The following CTNNA2 variants were observed in gnomAD, a reference collection of about 807,000 sequenced individuals.
The protein encoded by CTNNA2 is catenin alpha-2.
CTNNA2 carries 42 observed loss-of-function variants against 101.0 expected under a neutral mutation model. That is an observed-to-expected ratio of 0.42 (90% CI 0.32 to 0.54). The LOEUF (loss-of-function observed/expected upper bound fraction) is 0.54, where lower values mean the gene tolerates loss of function less well. CTNNA2 is among the 20% of genes least tolerant of loss of function. The pLI, the probability that CTNNA2 is intolerant of heterozygous loss-of-function variation, is 0.14. For missense variants in CTNNA2, 871 were observed against 1,223.1 expected (o/e 0.71, Z 4.29); for synonymous variants, 450 against 456.4 (o/e 0.99, Z 0.18).
chr2:79,692,629 G>A (rs1030743374), intron 2 of CTNNA2, among the ~76,000 whole-genome samples: 1 of 151,924 alleles, frequency 6.6e-6, no homozygotes, highest in Non-Finnish European at 1.5e-5. Flanking sequence ...CAACCCAAAT[G>A]CCCATCATTG....
intron 18 of CTNNA2, among the ~76,000 whole-genome samples, chr2:80,645,609 G>A (rs766416123): frequency 1.3e-5 from 2 of 152,034 alleles, no homozygotes; most frequent in Non-Finnish European, 2.9e-5. Flanking sequence ...TGATAAATGC[G>A]ATTTCTAACA....
At chr2:79,623,439 T>C (rs975371916) in intron 1 of CTNNA2, among the ~76,000 whole-genome samples, 4 of 152,168 alleles carry the variant, frequency 2.6e-5, no homozygotes, top group African/African-American at 4.8e-5. Context: ...ATCTAGACTC[T>C]TGTAAGAGTC....
At chr2:79,411,291 T>C (rs1339684223) in intron 4 of CTNNA2, among the ~76,000 whole-genome samples, 1 of 152,008 alleles carries the variant, frequency 6.6e-6, no homozygotes, top group East Asian at 1.9e-4. Flanking sequence ...TTTTTGTGTC[T>C]CTATTTCCTT....
At chr2:80,598,202 A>C (rs1337686895) in intron 15 of CTNNA2, among the ~76,000 whole-genome samples, 1 of 152,152 alleles carries the variant, frequency 6.6e-6, no homozygotes, top group Non-Finnish European at 1.5e-5. Context: ...AAACTAACAA[A>C]GGAACAAAAA....
At chr2:79,852,093 A>G (rs1574132793) in intron 3 of CTNNA2, among the ~76,000 whole-genome samples, 1 of 152,142 alleles carries the variant, frequency 6.6e-6, no homozygotes, top group Admixed American at 6.5e-5. Context: ...AAAAACATGA[A>G]CTATCAGTAT....
chr2:79,340,397 C>G (rs113877821), intron 3 of CTNNA2, among the ~76,000 whole-genome samples: 1,683 of 152,254 alleles, frequency 0.011, 31 homozygotes, highest in East Asian at 0.036. Context: ...GGCTATTCCT[C>G]TCAGGCAGTT....
At chr2:79,509,789 G>C (rs1671496362), upstream of CTNNA2, among the ~76,000 whole-genome samples, 1 of 152,178 alleles carries the variant, frequency 6.6e-6, no homozygotes, top group African/African-American at 2.4e-5. Context: ...TTCACCAATT[G>C]TAACAAACAT....
chr2:79,862,437 T>G (rs1681695608), intron 4 of CTNNA2, among the ~76,000 whole-genome samples: 2 of 152,176 alleles, frequency 1.3e-5, no homozygotes. Context: ...TCAAGTCTAC[T>G]TTTTAGTCCT....
chr2:80,214,842 C>G (rs1318043272), intron 7 of CTNNA2, among the ~76,000 whole-genome samples: 2 of 152,186 alleles, frequency 1.3e-5, no homozygotes, highest in African/African-American at 4.8e-5. Context: ...GCATAATATC[C>G]TGCAGAGTGT....
chr2:80,043,032 TTTCTTTCC>T (rs1442168070), intron 7 of CTNNA2, among the ~76,000 whole-genome samples: 940 of 65,644 alleles, frequency 0.014, 118 homozygotes, highest in East Asian at 0.018. Context: ...TCTTTCTTTC[TTTCTTTCC>T]TTCTTTCTTT....
rs77497733 is a variant in CTNNA2 at position 80,263,901 on chromosome 2, C to A, written c.1057-129310C>A. Among the ~76,000 whole-genome samples, 1,395 of 152,280 alleles carry A rather than the reference C, an allele frequency of 9.2e-3. 22 individuals carry two copies. The highest frequency in any genetic ancestry group is 0.032 in the African/African-American group (1,324 of 41,562). The stretch of plus-strand genomic sequence containing the variant: ...TGAATATTGTAACTTTATGTGGAGA[C>A]CTTTTGAAAGCAATGCATTATTGCA... On this transcript the variant is annotated intron_variant, in intron 7 of 18. Coordinates refer to ENST00000402739, the MANE Select transcript of CTNNA2 (RefSeq NM_001282597.3).
chr2:80,243,974 C>T (rs912281591), intron 7 of CTNNA2, among the ~76,000 whole-genome samples: 2 of 152,196 alleles, frequency 1.3e-5, no homozygotes, highest in Non-Finnish European at 2.9e-5. Context: ...ATGCAGCAGC[C>T]TGCAGGGCCA....
intron 9 of CTNNA2, among the ~76,000 whole-genome samples, chr2:80,512,778 C>G (rs10199392): frequency 0.26 from 38,866 of 151,402 alleles, 5,180 homozygotes; most frequent in Middle Eastern, 0.34. Context: ...CTTAAGGAGT[C>G]TTTTTAAAAC....
intron 7 of CTNNA2, among the ~76,000 whole-genome samples, chr2:80,320,975 T>C (rs1678620336): frequency 1.3e-5 from 2 of 152,214 alleles, no homozygotes; most frequent in Admixed American, 1.3e-4. Context: ...AGAATAACTC[T>C]ATTCAGTTAA....
At chr2:80,232,407 A>G (rs1195504018) in intron 7 of CTNNA2, among the ~76,000 whole-genome samples, 3 of 111,218 alleles carry the variant, frequency 2.7e-5, no homozygotes, top group African/African-American at 9.3e-5. Context: ...TAGTTTTGGC[A>G]GCTCTACTTA....
chr2:79,460,859 C>T (rs546098812), intron 4 of CTNNA2, among the ~76,000 whole-genome samples: 10 of 145,528 alleles, frequency 6.9e-5, no homozygotes, highest in African/African-American at 2.1e-4. Context: ...TTTTTCTTTT[C>T]GAGACAGGGT....
chr2:79,473,025 G>A (rs452625), intron 4 of CTNNA2, among the ~76,000 whole-genome samples: 39,316 of 152,030 alleles, frequency 0.26, 6,005 homozygotes, highest in South Asian at 0.44. Context: ...CAATAATAAT[G>A]TCACTTGATT....
chr2:80,608,364 C>G, intron 17 of CTNNA2, 46 bp downstream of exon 17: 4 of 1,573,946 alleles, frequency 2.5e-6, no homozygotes, highest in Non-Finnish European at 3.5e-6. Flanking sequence ...CACCGTTGCA[C>G]TTCCAAGGCA....
At position 79,353,891 on chromosome 2, in the gene CTNNA2, G is replaced by A. The variant is rs1000895787; in HGVS notation, c.-317-19940G>A. On this transcript the variant is annotated intron_variant, in intron 3 of 21. Coordinates refer to the CTNNA2 transcript ENST00000466387. ...TCATGAATTCCCTTAGTGTTTGCTT[G>A]CTTGTCTGAAAATAATTTTATTTCT... Among the ~76,000 whole-genome samples the A allele has an allele frequency of 1.3e-4, 20 of 152,138 alleles. No homozygotes were observed. The South Asian group carries it at 4.1e-3, about 32-fold the overall frequency.
Sources: allele counts gnomAD v4.1 joint callset (sites outside exome capture counted in the v4.1 genomes callset), GRCh38; gene constraint gnomAD v4.1.1; transcripts MANE v1.5; gene names NCBI Gene and HGNC (gene_info 2026-07-23, HGNC 2026-07-21).